The following TRIM44 variants were observed in gnomAD, a reference collection of about 807,000 sequenced individuals.
TRIM44 encodes the protein tripartite motif-containing protein 44.
TRIM44 carries 13 observed loss-of-function variants against 37.4 expected under a neutral mutation model. That is an observed-to-expected ratio of 0.35 (90% CI 0.23 to 0.55). The LOEUF is 0.55. Among genes scored for constraint, TRIM44 ranks in the 20% least tolerant of loss-of-function variants. The pLI is 0.89. For missense variants in TRIM44, 426 were observed against 437.2 expected, an observed-to-expected ratio of 0.97 and a Z score of 0.23; for synonymous variants, 175 against 157.2, an observed-to-expected ratio of 1.11 and a Z score of -0.85.
At chr11:35,688,426 A>G (rs1851604916) in intron 2 of TRIM44, among the ~76,000 whole-genome samples, 1 of 152,264 alleles carries the variant, frequency 6.6e-6, no homozygotes, top group Non-Finnish European at 1.5e-5. Flanking sequence ...ATTTAAAAAT[A>G]CAGATATTCA....
rs140066208 is a variant in TRIM44, at chr11:35,718,432, C to A, written c.748-7492C>A. Among the ~76,000 whole-genome samples, 286 of 152,198 alleles carry A rather than the reference C, an allele frequency of 1.9e-3. 2 individuals are homozygous for A. Among genetic ancestry groups the A allele is most frequent in the African/African-American group, 6.6e-3 (275 of 41,522 alleles). On this transcript the variant is annotated intron_variant, in intron 2 of 4. Coordinates refer to ENST00000299413, the MANE Select transcript of TRIM44 (RefSeq NM_017583.6). ...CATTTTAAAAATAGATATTTTTTAG[C>A]ATGGTTTTAGGTTAACAGAAAAATT...
At chr11:35,665,795 G>A (rs983762659) in intron 1 of TRIM44, among the ~76,000 whole-genome samples, 8 of 151,180 alleles carry the variant, frequency 5.3e-5, no homozygotes, top group African/African-American at 1.9e-4. Context: ...AGATGTTTTT[G>A]CCATGTTGAC....
Position 35,758,492 on chromosome 11 carries a change from C to T in TRIM44, c.1007+23047C>T, listed in dbSNP as rs149100692. On this transcript the variant is annotated intron_variant, in intron 4 of 4. Transcript: ENST00000299413. The stretch of plus-strand genomic sequence containing the variant: ...TGTCTTTTAATTGGAGCATTTAGCC[C>T]ATTTACATTTAAGATTAATATTGTT... 4.3e-3 allele frequency among the ~76,000 whole-genome samples: 649 copies of T among 152,230 alleles called. 7 individuals are homozygous for T. Among genetic ancestry groups the T allele is most frequent in the African/African-American group, 0.015 (623 of 41,530 alleles).
In TRIM44 at chr11:35,663,490, G is replaced by A; in HGVS notation, c.379G>A (p.Glu127Lys). The A allele has an allele frequency of 6.3e-7, 1 of 1,574,902 alleles. No homozygotes were observed. Among genetic ancestry groups the A allele is most frequent in the Non-Finnish European group, 8.6e-7 (1 of 1,159,554 alleles). ...SEDESDEESEEDSEEEMEDEQ... is the reference protein window; with the variant it reads ...SEDESDEESEKDSEEEMEDEQ... ...GGATGAGAGCGATGAGGAGAGTGAA[G>A]AAGACAGCGAGGAAGAAATGGAGGA... The change falls in exon 1 of 5, where the codon GAA (glutamate) becomes AAA (lysine). Residue 127 changes from glutamate (E) to lysine (K), a missense_variant. This residue lies in a region of TRIM44 where 331 missense variants were observed against 303.0 expected (regional missense o/e 1.09). Coordinates refer to ENST00000299413, the MANE Select transcript of TRIM44 (RefSeq NM_017583.6).
chr11:35,775,357 A>G (rs926253404), intron 4 of TRIM44, among the ~76,000 whole-genome samples: 6 of 152,230 alleles, frequency 3.9e-5, no homozygotes, highest in African/African-American at 1.4e-4. Flanking sequence ...TATCAGCTTA[A>G]GGAGATTTTG....
chr11:35,717,723 C>T, intron 2 of TRIM44, among the ~76,000 whole-genome samples: 1 of 152,062 alleles, frequency 6.6e-6, no homozygotes, highest in East Asian at 1.9e-4. Context: ...GTAAGCAATT[C>T]AGAACAGAGG....
chr11:35,682,442 G>A (rs1590501741), intron 1 of TRIM44, among the ~76,000 whole-genome samples: 1 of 152,132 alleles, frequency 6.6e-6, no homozygotes, highest in East Asian at 1.9e-4. Flanking sequence ...TTGGACTCTT[G>A]CCCCAGCTCT....
chr11:35,755,036 G>C (rs532225412), intron 4 of TRIM44, among the ~76,000 whole-genome samples: 10 of 152,212 alleles, frequency 6.6e-5, no homozygotes, highest in Admixed American at 2.0e-4. Flanking sequence ...GGGATGGCTG[G>C]GTCAAATGGT....
At chr11:35,759,102 C>G (rs1590576244) in intron 4 of TRIM44, among the ~76,000 whole-genome samples, 1 of 152,316 alleles carries the variant, frequency 6.6e-6, no homozygotes, top group Non-Finnish European at 1.5e-5. Flanking sequence ...TGTTTTCCAA[C>G]TTGGTTCCAT....
chr11:35,757,501 AGTTCT>A, intron 4 of TRIM44, among the ~76,000 whole-genome samples: 1 of 152,166 alleles, frequency 6.6e-6, no homozygotes, highest in Admixed American at 6.5e-5. Flanking sequence ...TATTTCCTTC[AGTTCT>A]GTTCTGATCT....
intron 4 of TRIM44, among the ~76,000 whole-genome samples, chr11:35,803,418 CTT>C (rs1332427549): frequency 6.6e-6 from 1 of 152,100 alleles, no homozygotes; most frequent in Non-Finnish European, 1.5e-5. Context: ...AAAGTGAAGA[CTT>C]TTATAGACTA....
chr11:35,662,972 C>A lies in TRIM44; in HGVS notation c.-140C>A. 7.4e-7 allele frequency: 1 copy of A among 1,359,924 alleles called. No homozygotes were observed. The highest frequency in any genetic ancestry group is 1.9e-5 in the South Asian group (1 of 53,170). 84.2% of individuals were successfully genotyped at this position (1,359,924 alleles called of 1,614,324 possible). On this transcript the variant is annotated 5_prime_UTR_variant, in exon 1 of 5. Coordinates refer to ENST00000299413, the MANE Select transcript of TRIM44 (RefSeq NM_017583.6). ...GCAGGGGCTGCCGCGGCCCCAGGTC[C>A]CGCTTCGAGACGCGGCGCGGTCCAG...
Position 35,686,362 on chromosome 11 carries a change from G to GTTTTTTTTT in TRIM44, c.747+1031_747+1032insTTTTTTTTT, listed in dbSNP as rs201740615. Among the ~76,000 whole-genome samples the GTTTTTTTTT allele has an allele frequency of 1.4e-4, 20 of 143,688 alleles. 2 individuals carry two copies. Among genetic ancestry groups the GTTTTTTTTT allele is most frequent in the African/African-American group, 5.0e-4 (19 of 37,630 alleles). 94.3% of individuals were successfully genotyped at this position (143,688 alleles called of 152,430 possible). ...TTTTATTTTACTGTAGGTTCTTTTT[G>GTTTTTTTTT]TTTTTGTTTTTGTTTTTTTTTTTTT... On this transcript the variant is annotated intron_variant, in intron 2 of 4. Transcript: ENST00000299413.
At position 35,786,309 on chromosome 11, in the gene TRIM44, A is replaced by G. The variant is rs532156961; in HGVS notation, c.1008-20049A>G. On this transcript the variant is annotated intron_variant, in intron 4 of 4. Transcript: ENST00000299413. ...AAAATGACTTTCCCAAAGTTACATC[A>G]TCTGCTTATCTCAGTTCCCAGTCCT... Among the ~76,000 whole-genome samples the G allele has an allele frequency of 1.7e-3, 259 of 152,360 alleles. 1 individual carries two copies. Among genetic ancestry groups the G allele is most frequent in the Middle Eastern group, 3.4e-3 (1 of 294 alleles).
chr11:35,671,678 C>T (rs545574291), intron 1 of TRIM44, among the ~76,000 whole-genome samples: 1 of 152,132 alleles, frequency 6.6e-6, no homozygotes, highest in African/African-American at 2.4e-5. Context: ...GGTGATCCTA[C>T]AGCAAGAGGG....
chr11:35,802,576 T>C (rs891937153), intron 4 of TRIM44, among the ~76,000 whole-genome samples: 1 of 152,174 alleles, frequency 6.6e-6, no homozygotes, highest in African/African-American at 2.4e-5. Context: ...CCCAAATACT[T>C]CCTGGAAAGT....
intron 4 of TRIM44, among the ~76,000 whole-genome samples, chr11:35,804,835 T>C (rs1220768588): frequency 6.6e-6 from 1 of 152,212 alleles, no homozygotes; most frequent in Non-Finnish European, 1.5e-5. Flanking sequence ...GTTGGTTCTT[T>C]TGGCTCCTAG....
chr11:35,688,436 A>G (rs1385309443), intron 2 of TRIM44, among the ~76,000 whole-genome samples: 5 of 152,230 alleles, frequency 3.3e-5, no homozygotes, highest in Admixed American at 2.6e-4. Flanking sequence ...ACAGATATTC[A>G]TAAAGAAAAA....
rs71457390 is a variant in TRIM44, at chr11:35,808,207, TAAAA to T, written c.*1837_*1840del. 1.1e-5 allele frequency: 1 copy of T among 87,970 alleles called. No individual in the cohort carries two copies. The highest frequency in any genetic ancestry group is 4.3e-5 in the African/African-American group (1 of 23,176). The allele number at this position is 87,970 out of a possible 1,614,324, so 5.4% of individuals were successfully genotyped here. A position where few individuals can be genotyped will look rare whatever the true frequency, so the allele number is the denominator to read the frequency against. On this transcript the variant is annotated 3_prime_UTR_variant, in exon 5 of 5. Coordinates refer to ENST00000299413, the MANE Select transcript of TRIM44 (RefSeq NM_017583.6). ...TGGGGCTGAGGGGAGTTTGAGGTGT[TAAAA>T]AAAAAAAAAAAAAAGCATTTTTCTC... is the stretch of plus-strand genomic sequence containing the variant.
Sources: gnomAD v4.1 joint callset for allele counts (sites outside exome capture counted in the v4.1 genomes callset) on GRCh38, gnomAD v4.1.1 for gene constraint, gnomAD v4.1.1 regional missense constraint, MANE v1.5 for transcripts, NCBI Gene and HGNC (gene_info 2026-07-23, HGNC 2026-07-21) for gene names.